Variants in NALCN observed in about 807,000 individuals in gnomAD.
NALCN encodes sodium leak channel, non-selective.
In NALCN, 111 loss-of-function variants were observed where a neutral mutation model predicts 225.3. That is an observed-to-expected ratio of 0.49 (90% CI 0.42 to 0.58). The LOEUF (loss-of-function observed/expected upper bound fraction) is 0.58. Ranked by LOEUF, NALCN falls within the 20% of genes least tolerant of loss-of-function variation. The pLI, the probability that NALCN is intolerant of heterozygous loss-of-function variation, is 0.00. For missense variants in NALCN, 1,378 were observed against 2,202.4 expected (o/e 0.63, Z 7.49); for synonymous variants, 764 against 769.0 (o/e 0.99, Z 0.11).
At chr13:101,099,846 G>A (rs1359125606) in intron 27 of NALCN, among the ~76,000 whole-genome samples, 3 of 152,112 alleles carry the variant, frequency 2.0e-5, no homozygotes, top group South Asian at 4.1e-4. Flanking sequence ...AAAGGGTGGC[G>A]GCATAGGATA....
At chr13:101,331,079 C>T (rs543167) in intron 7 of NALCN, among the ~76,000 whole-genome samples, 92,091 of 151,980 alleles carry the variant, frequency 0.61, 28,646 homozygotes, top group African/African-American at 0.76. Context: ...GTAAGAACGG[C>T]TGATATCCAT....
chr13:101,082,345 C>T (rs564380673), intron 33 of NALCN, among the ~76,000 whole-genome samples: 1 of 152,236 alleles, frequency 6.6e-6, no homozygotes, highest in South Asian at 2.1e-4. Context: ...CATTTTTCTT[C>T]CTTAAGCAAA....
intron 43 of NALCN, chr13:101,056,980 A>T (rs1473798896): frequency 6.6e-6 from 1 of 152,148 alleles, no homozygotes; most frequent in African/African-American, 2.4e-5. Flanking sequence ...GATCTCTGAA[A>T]AATAAGTTCC....
chr13:101,307,091 T>C (rs2044178020), intron 7 of NALCN, among the ~76,000 whole-genome samples: 1 of 152,204 alleles, frequency 6.6e-6, no homozygotes, highest in Non-Finnish European at 1.5e-5. Context: ...GTTATGAACT[T>C]CTAAGTCAGG....
intron 14 of NALCN, among the ~76,000 whole-genome samples, chr13:101,183,187 A>C (rs753753285): frequency 6.6e-6 from 1 of 152,232 alleles, no homozygotes; most frequent in African/African-American, 2.4e-5. Context: ...CGATGTCTGC[A>C]TATTACCTTC....
chr13:101,296,304 A>G (rs576643233), intron 7 of NALCN, among the ~76,000 whole-genome samples: 2 of 152,262 alleles, frequency 1.3e-5, no homozygotes, highest in African/African-American at 2.4e-5. Flanking sequence ...GCCTACAGAC[A>G]TAGGAAAGCA....
intron 10 of NALCN, among the ~76,000 whole-genome samples, chr13:101,258,914 G>A (rs975070155): frequency 6.6e-6 from 1 of 152,158 alleles, no homozygotes; most frequent in Non-Finnish European, 1.5e-5. Flanking sequence ...CTTTTAAAAA[G>A]CTAGTAACAC....
At chr13:101,156,740 G>T (rs576481700) in intron 15 of NALCN, among the ~76,000 whole-genome samples, 1 of 152,020 alleles carries the variant, frequency 6.6e-6, no homozygotes, top group Non-Finnish European at 1.5e-5. Context: ...TGCATGTAAC[G>T]TTGTATCAGT....
At chr13:101,226,899 TCTC>T (rs897848335) in intron 13 of NALCN, among the ~76,000 whole-genome samples, 3 of 152,134 alleles carry the variant, frequency 2.0e-5, no homozygotes, top group Admixed American at 1.3e-4. Context: ...GTTCCTTTCT[TCTC>T]CTATCCCTTC....
intron 2 of NALCN, among the ~76,000 whole-genome samples, chr13:101,396,129 C>G (rs560374105): frequency 6.6e-6 from 1 of 152,190 alleles, no homozygotes; most frequent in East Asian, 1.9e-4. Context: ...ACAGGCATGT[C>G]TGCTGTCTGA....
At chr13:101,214,693 G>C (rs575709433) in intron 13 of NALCN, among the ~76,000 whole-genome samples, 2 of 152,122 alleles carry the variant, frequency 1.3e-5, no homozygotes, top group East Asian at 3.9e-4. Flanking sequence ...GAGAATTTCC[G>C]ATCTCTGCTA....
At chr13:101,162,533 T>A (rs1051684573) in intron 15 of NALCN, among the ~76,000 whole-genome samples, 5 of 152,176 alleles carry the variant, frequency 3.3e-5, no homozygotes, top group African/African-American at 1.2e-4. Context: ...AACCTCACTA[T>A]TCTAACTCCT....
chr13:101,189,625 A>AT (rs1405262671), intron 14 of NALCN, among the ~76,000 whole-genome samples: 3 of 152,172 alleles, frequency 2.0e-5, no homozygotes, highest in Non-Finnish European at 4.4e-5. Context: ...CTGAATCTGG[A>AT]TTTTTGCCTT....
chr13:101,251,702 G>A (rs2042068444), intron 11 of NALCN, among the ~76,000 whole-genome samples: 1 of 152,044 alleles, frequency 6.6e-6, no homozygotes, highest in South Asian at 2.1e-4. Flanking sequence ...AAAGGCTAAT[G>A]GTTGCTTCTG....
intron 7 of NALCN, among the ~76,000 whole-genome samples, chr13:101,299,596 A>G (rs979846008): frequency 3.9e-5 from 6 of 152,330 alleles, no homozygotes; most frequent in African/African-American, 1.4e-4. Flanking sequence ...GACAGATAAT[A>G]CAAACTTGCA....
At position 101,104,390 on chromosome 13, in the gene NALCN, C is replaced by A; in HGVS notation, c.2794G>T (p.Glu932Ter). ...TCTGCCATAATCTTCAGATTAAGCTCAATGCTCATGAATATCACAAACACA... is the reference window on the plus strand; with the variant it reads ...TCTGCCATAATCTTCAGATTAAGCTAAATGCTCATGAATATCACAAACACA... ...EYVFVIFMSI[E>*]LNLKIMADGL... Residue 932 changes from glutamate (E) to a stop codon, truncating the protein, a stop_gained, in exon 25 of 44, where the codon GAG becomes TAG. Coordinates refer to ENST00000251127, the MANE Select transcript of NALCN (RefSeq NM_052867.4). LOFTEE classifies it high-confidence loss of function. The surrounding 1 kb of genome is among the most constrained non-coding windows in gnomAD (Gnocchi z 4.2). 6.2e-7 allele frequency: 1 copy of A among 1,613,726 alleles called. No individual in the cohort carries two copies. The highest frequency in any genetic ancestry group is 2.2e-5 in the East Asian group (1 of 44,866).
At chr13:101,224,164 C>T (rs1369241784) in intron 13 of NALCN, among the ~76,000 whole-genome samples, 4 of 152,198 alleles carry the variant, frequency 2.6e-5, no homozygotes, top group African/African-American at 9.6e-5. Context: ...TCTCTTGTGT[C>T]TCCACAGGAC....
chr13:101,073,340 C>A (rs2033027859), intron 37 of NALCN, among the ~76,000 whole-genome samples: 1 of 152,140 alleles, frequency 6.6e-6, no homozygotes, highest in Admixed American at 6.5e-5. Flanking sequence ...GAAAGAACAA[C>A]ACTCACAAAA....
intron 4 of NALCN, among the ~76,000 whole-genome samples, chr13:101,377,572 A>T (rs1259296757): frequency 6.6e-6 from 1 of 152,186 alleles, no homozygotes; most frequent in African/African-American, 2.4e-5. Context: ...AAAAAAATAT[A>T]TGAGTGATGA....
Sources: allele counts gnomAD v4.1 joint callset (sites outside exome capture counted in the v4.1 genomes callset), GRCh38; gene constraint gnomAD v4.1.1; non-coding constraint Gnocchi (gnomAD v3.1); transcripts MANE v1.5; gene names NCBI Gene and HGNC (gene_info 2026-07-23, HGNC 2026-07-21).